ADGRL2: variants seen among roughly 807,000 people sequenced by gnomAD.
The protein encoded by ADGRL2 is calcium-independent alpha-latrotoxin receptor 2.
Under a neutral mutation model 157.4 loss-of-function variants are expected in ADGRL2, and 44 were observed. The ratio of observed to expected loss-of-function variants is 0.28; its 90% CI spans 0.22 to 0.36. ADGRL2 has a LOEUF of 0.36. Ranked by LOEUF, ADGRL2 falls within the 10% of genes least tolerant of loss-of-function variation. ADGRL2 has a pLI of 1.00. For missense variants in ADGRL2, 1,510 were observed against 1,768.9 expected, an observed-to-expected ratio of 0.85 and a Z score of 2.63; for synonymous variants, 585 against 624.7, an observed-to-expected ratio of 0.94 and a Z score of 0.95.
chr1:81,470,588 G>T (rs971918694), intron 2 of ADGRL2, among the ~76,000 whole-genome samples: 10 of 152,096 alleles, frequency 6.6e-5, no homozygotes, highest in African/African-American at 1.9e-4. Context: ...TCTTTCGGAG[G>T]CAAAGAAACA....
At chr1:81,747,130 TATATATGTATACATATATAC>T (rs1488086152) in intron 1 of ADGRL2, among the ~76,000 whole-genome samples, 1 of 139,532 alleles carries the variant, frequency 7.2e-6, no homozygotes, top group African/African-American at 3.0e-5. Flanking sequence ...TGTATATATG[TATATATGTATACATATATAC>T]GTATATATGT....
chr1:81,330,067 A>C (rs1226502575), intron 1 of ADGRL2, among the ~76,000 whole-genome samples: 1 of 152,142 alleles, frequency 6.6e-6, no homozygotes, highest in Admixed American at 6.6e-5. Context: ...GTCATCCAAG[A>C]GGCTTTTTCA....
At chr1:81,346,779 C>T (rs535728511) in intron 1 of ADGRL2, among the ~76,000 whole-genome samples, 1 of 152,240 alleles carries the variant, frequency 6.6e-6, no homozygotes, top group East Asian at 1.9e-4. Context: ...AAATAAATTT[C>T]TATTGTTTGA....
intron 1 of ADGRL2, among the ~76,000 whole-genome samples, chr1:81,741,084 C>A (rs2085057625): frequency 6.7e-6 from 1 of 148,660 alleles, no homozygotes. Flanking sequence ...AGGCCAGAGG[C>A]TAATCATAGG....
upstream of ADGRL2, among the ~76,000 whole-genome samples, chr1:81,798,233 T>C (rs182764544): frequency 5.3e-5 from 8 of 152,222 alleles, no homozygotes; most frequent in Admixed American, 2.6e-4. Flanking sequence ...GTTTTTTGAA[T>C]GTAGATATAC....
chr1:81,474,045 A>C lies in ADGRL2; in HGVS notation c.-248+28956A>C, dbSNP rs548979920. ...AGAAGAGGGAGAACAAGGAGATAGA[A>C]GGCAGAGAGCTCTTTCCCTCTCCCT... is the stretch of plus-strand genomic sequence containing the variant. On this transcript the variant is annotated intron_variant, in intron 2 of 24. Coordinates refer to the ADGRL2 transcript ENST00000370721. Among the ~76,000 whole-genome samples, 5 of 152,290 alleles carry C rather than the reference A, an allele frequency of 3.3e-5. No homozygotes were observed. The East Asian group carries it at 9.7e-4, about 29-fold the overall frequency.
chr1:81,848,016 T>C (rs1214488044), intron 2 of ADGRL2, among the ~76,000 whole-genome samples: 1 of 151,834 alleles, frequency 6.6e-6, no homozygotes, highest in East Asian at 1.9e-4. Flanking sequence ...AAATATGTTT[T>C]ATCTGCCTTA....
intron 1 of ADGRL2, among the ~76,000 whole-genome samples, chr1:81,412,245 C>T (rs2076958361): frequency 6.6e-6 from 1 of 152,150 alleles, no homozygotes; most frequent in South Asian, 2.1e-4. Context: ...AAAGGCAGTG[C>T]ATGTAACCAC....
At chr1:81,859,109 G>A (rs1347061913) in intron 2 of ADGRL2, among the ~76,000 whole-genome samples, 2 of 151,908 alleles carry the variant, frequency 1.3e-5, no homozygotes, top group African/African-American at 4.8e-5. Context: ...ATTAAAGATT[G>A]AAAATAATGG....
chr1:81,670,293 T>C (rs1416876412), intron 3 of ADGRL2, among the ~76,000 whole-genome samples: 2 of 152,234 alleles, frequency 1.3e-5, no homozygotes, highest in Non-Finnish European at 2.9e-5. Context: ...TATTTCGTTA[T>C]GGAGTGTGAC....
chr1:81,489,492 A>T (rs902884443), intron 2 of ADGRL2, among the ~76,000 whole-genome samples: 1 of 152,190 alleles, frequency 6.6e-6, no homozygotes, highest in Non-Finnish European at 1.5e-5. Context: ...ACAGACCAAC[A>T]TACACACTGT....
intron 2 of ADGRL2, among the ~76,000 whole-genome samples, chr1:81,467,331 G>A (rs1294153066): frequency 6.6e-6 from 1 of 152,086 alleles, no homozygotes; most frequent in Non-Finnish European, 1.5e-5. Context: ...AAAGAACATG[G>A]ACCAATTAAG....
At chr1:81,747,986 C>T (rs2085356202) in intron 1 of ADGRL2, among the ~76,000 whole-genome samples, 1 of 151,988 alleles carries the variant, frequency 6.6e-6, no homozygotes, top group East Asian at 1.9e-4. Context: ...TTTTAAAATT[C>T]CTTGTTTGGT....
At position 81,907,207 on chromosome 1, in the gene ADGRL2, T is replaced by C; in HGVS notation, c.264T>C (p.Asp88=). Reference sequence around the variant, plus strand: ...AGAATACAGACTGCTACCTCCCCGATGCCTTCAAAATTATGACTCAAAGGT... The same window carrying C: ...AGAATACAGACTGCTACCTCCCCGACGCCTTCAAAATTATGACTCAAAGGT... ...QMENTDCYLP[D]AFKIMTQRCN... is the part of the protein sequence containing the mutation. The change falls in exon 3 of 24, where the codon GAT becomes GAC. Residue 88 remains aspartate (D), a synonymous_variant. Transcript: ENST00000686636. The C allele has an allele frequency of 1.9e-6, 3 of 1,613,986 alleles. No homozygotes were observed. The highest frequency in any genetic ancestry group is 2.5e-6 in the Non-Finnish European group (3 of 1,179,872).
chr1:81,580,335 A>G (rs2080881925), intron 2 of ADGRL2, among the ~76,000 whole-genome samples: 1 of 152,078 alleles, frequency 6.6e-6, no homozygotes, highest in African/African-American at 2.4e-5. Context: ...GATAAGTACA[A>G]AATAAACACA....
chr1:81,948,084 G>A (rs1479838338), intron 6 of ADGRL2, among the ~76,000 whole-genome samples: 1 of 151,976 alleles, frequency 6.6e-6, no homozygotes, highest in Non-Finnish European at 1.5e-5. Flanking sequence ...GGGTGTGGTG[G>A]TGGGTGCCTG....
chr1:81,389,868 T>TA (rs1268793324), intron 1 of ADGRL2, among the ~76,000 whole-genome samples: 8 of 152,006 alleles, frequency 5.3e-5, no homozygotes, highest in Middle Eastern at 3.4e-3. Context: ...AGATTTAATT[T>TA]AAAAAACAAA....
At chr1:81,880,689 A>C (rs1348937587) in intron 2 of ADGRL2, among the ~76,000 whole-genome samples, 5 of 133,218 alleles carry the variant, frequency 3.8e-5, no homozygotes, top group Admixed American at 2.5e-4. Context: ...CATTCCGTCC[A>C]GTGCACACGC....
At chr1:81,575,976 T>C (rs2080790588) in intron 2 of ADGRL2, among the ~76,000 whole-genome samples, 1 of 152,202 alleles carries the variant, frequency 6.6e-6, no homozygotes, top group Admixed American at 6.6e-5. Flanking sequence ...TTCATCTTTA[T>C]CTCAACCCCT....
Sources: gnomAD v4.1 joint callset for allele counts (sites outside exome capture counted in the v4.1 genomes callset) on GRCh38, gnomAD v4.1.1 for gene constraint, MANE v1.5 for transcripts, NCBI Gene and HGNC (gene_info 2026-07-23, HGNC 2026-07-21) for gene names.